Variants in ARHGAP15 observed in about 807,000 individuals in gnomAD.
ARHGAP15 encodes Rho GTPase activating protein 15.
ARHGAP15 carries 51 observed loss-of-function variants against 63.7 expected under a neutral mutation model. The ratio of observed to expected loss-of-function variants is 0.80; its 90% CI spans 0.64 to 1.01. The LOEUF is 1.01. Among genes scored for constraint, ARHGAP15 ranks in the 50% least tolerant of loss-of-function variants. The pLI is 0.00. For missense variants in ARHGAP15, 560 were observed against 564.6 expected, an observed-to-expected ratio of 0.99 and a Z score of 0.08; for synonymous variants, 191 against 193.8, an observed-to-expected ratio of 0.99 and a Z score of 0.12.
intron 8 of ARHGAP15, among the ~76,000 whole-genome samples, chr2:143,454,157 T>A (rs888502346): frequency 2.0e-5 from 3 of 152,020 alleles, no homozygotes; most frequent in Admixed American, 6.6e-5. Context: ...AGGACTCGTA[T>A]CTGTAGTAAT....
At chr2:143,525,190 A>C (rs1488573339) in intron 10 of ARHGAP15, among the ~76,000 whole-genome samples, 2 of 152,124 alleles carry the variant, frequency 1.3e-5, no homozygotes, top group East Asian at 3.9e-4. Flanking sequence ...AAAGGCTGAT[A>C]CTTCCATGAA....
intron 13 of ARHGAP15, among the ~76,000 whole-genome samples, chr2:143,728,831 A>T (rs1213926273): frequency 6.6e-6 from 1 of 152,012 alleles, no homozygotes; most frequent in Non-Finnish European, 1.5e-5. Flanking sequence ...GTGAGCTACC[A>T]CTCTCACAAT....
intron 2 of ARHGAP15, among the ~76,000 whole-genome samples, chr2:143,174,319 G>A (rs1690922111): frequency 6.6e-6 from 1 of 152,012 alleles, no homozygotes; most frequent in African/African-American, 2.4e-5. Context: ...TTCACCAAAT[G>A]AGCAGCTTAA....
intron 11 of ARHGAP15, among the ~76,000 whole-genome samples, chr2:143,580,188 A>G (rs1323100153): frequency 6.6e-6 from 1 of 151,890 alleles, no homozygotes; most frequent in East Asian, 1.9e-4. Flanking sequence ...TAGGGGCTAA[A>G]GACAGGTGAA....
intron 11 of ARHGAP15, among the ~76,000 whole-genome samples, chr2:143,610,874 A>G (rs1021680105): frequency 1.3e-5 from 2 of 151,960 alleles, no homozygotes; most frequent in Non-Finnish European, 2.9e-5. Flanking sequence ...GACTACAGGC[A>G]CGCACCATCA....
In ARHGAP15 at chr2:143,437,039, T is replaced by G; in HGVS notation, c.700T>G (p.Leu234Val). 1 of 1,594,922 alleles carries G rather than the reference T, an allele frequency of 6.3e-7. No homozygotes were observed. Among genetic ancestry groups the G allele is most frequent in the Non-Finnish European group, 8.5e-7 (1 of 1,175,034 alleles). Residue 234 changes from leucine (L) to valine (V), a missense_variant, in exon 8 of 14, where the codon TTA (leucine) becomes GTA (valine). By Grantham distance (32) the Leu-to-Val change is conservative (BLOSUM62 1). Coordinates refer to ENST00000295095, the MANE Select transcript of ARHGAP15 (RefSeq NM_018460.4). ...KEQKPEHRKS[L>V]MFRLHHSASD... ...ACAGAAACCAGAGCACAGAAAATCT[T>G]TAAGTGAGTATTTTCTTTGACTTGC...
At chr2:143,548,896 A>G (rs373656838) in intron 10 of ARHGAP15, among the ~76,000 whole-genome samples, 1 of 152,088 alleles carries the variant, frequency 6.6e-6, no homozygotes, top group African/African-American at 2.4e-5. Flanking sequence ...AGGCTCACGA[A>G]AGAAATGGAA....
chr2:143,424,379 A>AT (rs968517631), intron 6 of ARHGAP15, among the ~76,000 whole-genome samples: 23 of 152,084 alleles, frequency 1.5e-4, no homozygotes, highest in African/African-American at 5.3e-4. Context: ...TACAAATCTA[A>AT]TTTTTTTTAA....
intron 2 of ARHGAP15, among the ~76,000 whole-genome samples, chr2:143,169,111 A>G (rs1366688908): frequency 2.0e-5 from 3 of 152,040 alleles, no homozygotes; most frequent in Non-Finnish European, 4.4e-5. Flanking sequence ...TTTTGCCTAG[A>G]CAGTGCTTTC....
At chr2:143,338,126 CTAT>C (rs1410670207) in intron 6 of ARHGAP15, among the ~76,000 whole-genome samples, 2 of 152,070 alleles carry the variant, frequency 1.3e-5, no homozygotes, top group East Asian at 3.9e-4. Context: ...AGTAGGAGTG[CTAT>C]TATTATTCTT....
Position 143,584,863 on chromosome 2 carries a change from T to C in ARHGAP15, c.1003+28378T>C, listed in dbSNP as rs188897739. Among the ~76,000 whole-genome samples, 1,191 of 152,280 alleles carry C rather than the reference T, an allele frequency of 7.8e-3. 18 individuals are homozygous for C. Among genetic ancestry groups the C allele is most frequent in the African/African-American group, 0.027 (1,128 of 41,560 alleles). On this transcript the variant is annotated intron_variant, in intron 11 of 13. Coordinates refer to ENST00000295095, the MANE Select transcript of ARHGAP15 (RefSeq NM_018460.4). ...TCTGAATAGCTTGGAAAATAAAGTA[T>C]GGTCACATCAGAACCAGTGGCAGGT...
intron 8 of ARHGAP15, among the ~76,000 whole-genome samples, chr2:143,477,169 T>TACACACACACACACATGCTCGCACAC (rs1558997715): frequency 2.7e-5 from 4 of 150,862 alleles, no homozygotes; most frequent in African/African-American, 4.9e-5. Context: ...CCAAATCATT[T>TACACACACACACACATGCTCGCACAC]ACACACACAC....
intron 12 of ARHGAP15, among the ~76,000 whole-genome samples, chr2:143,636,245 C>G (rs879155142): frequency 2.0e-5 from 3 of 152,118 alleles, no homozygotes; most frequent in Non-Finnish European, 4.4e-5. Flanking sequence ...TTAAGCTTTT[C>G]TTCCAGGTCC....
intron 12 of ARHGAP15, among the ~76,000 whole-genome samples, chr2:143,667,601 AAAG>A (rs997912348): frequency 2.0e-5 from 3 of 146,872 alleles, no homozygotes; most frequent in Non-Finnish European, 4.5e-5. Context: ...AAAAAAAAAA[AAAG>A]AAAAGAAGTG....
intron 8 of ARHGAP15, among the ~76,000 whole-genome samples, chr2:143,445,250 T>C (rs1027299415): frequency 1.6e-5 from 2 of 126,980 alleles, no homozygotes. Context: ...AACCTCCGCC[T>C]CCCAAGTTCA....
intron 12 of ARHGAP15, chr2:143,676,317 G>A (rs568509138): frequency 1.3e-5 from 2 of 152,172 alleles, no homozygotes; most frequent in Non-Finnish European, 2.9e-5. Flanking sequence ...TGTGTTCACT[G>A]GAGTAGCACT....
intron 9 of ARHGAP15, among the ~76,000 whole-genome samples, chr2:143,490,028 C>T (rs890268426): frequency 3.1e-4 from 47 of 152,258 alleles, no homozygotes; most frequent in African/African-American, 1.1e-3. Flanking sequence ...GTGATGGAGT[C>T]TCGCTCTGTC....
intron 12 of ARHGAP15, among the ~76,000 whole-genome samples, chr2:143,693,938 G>A (rs1334122214): frequency 6.6e-6 from 1 of 152,112 alleles, no homozygotes; most frequent in Admixed American, 6.6e-5. Flanking sequence ...CTGATCTACT[G>A]GTAAATATTC....
intron 12 of ARHGAP15, among the ~76,000 whole-genome samples, chr2:143,660,483 G>A (rs530507287): frequency 2.0e-5 from 3 of 152,268 alleles, no homozygotes; most frequent in South Asian, 4.1e-4. Flanking sequence ...AAGAATCAAA[G>A]GGTTGGAAAC....
Sources: allele counts gnomAD v4.1 joint callset (sites outside exome capture counted in the v4.1 genomes callset), GRCh38; gene constraint gnomAD v4.1.1; transcripts MANE v1.5; gene names NCBI Gene and HGNC (gene_info 2026-07-23, HGNC 2026-07-21).